The following TTC39C variants were observed in gnomAD, a reference collection of about 807,000 sequenced individuals.
TTC39C encodes tetratricopeptide repeat domain 39C.
A neutral mutation model predicts 76.3 loss-of-function variants in TTC39C; 33 were observed. The observed-to-expected ratio is 0.43, with a 90% CI of 0.33 to 0.58. TTC39C has a LOEUF of 0.58. Among genes scored for constraint, TTC39C ranks in the 20% least tolerant of loss-of-function variants. The pLI is 0.04. For missense variants in TTC39C, 595 were observed against 701.4 expected, an observed-to-expected ratio of 0.85 and a Z score of 1.71; for synonymous variants, 254 against 260.6, an observed-to-expected ratio of 0.97 and a Z score of 0.24.
At chr18:24,001,853 TCTCGCTCTGTGGCCCAG>T (rs1568400024) in intron 1 of TTC39C, among the ~76,000 whole-genome samples, 1 of 110,440 alleles carries the variant, frequency 9.1e-6, no homozygotes, top group African/African-American at 3.8e-5. Flanking sequence ...TGAGACGGAG[TCTCGCTCTGTGGCCCAG>T]GCGGGAGTGC....
At chr18:24,004,354 G>A (rs1477409937) in intron 1 of TTC39C, among the ~76,000 whole-genome samples, 1 of 152,114 alleles carries the variant, frequency 6.6e-6, no homozygotes, top group Non-Finnish European at 1.5e-5. Flanking sequence ...TACTGTTTTT[G>A]TCTCAGAGGA....
chr18:24,107,891 G>GGT (rs944941025), intron 6 of TTC39C, among the ~76,000 whole-genome samples: 67 of 145,352 alleles, frequency 4.6e-4, no homozygotes, highest in African/African-American at 1.5e-3. Flanking sequence ...CCCAAGTAGG[G>GGT]GGGGGGGTAC....
At chr18:24,092,092 CAAAAAAAAAAAAAA>C (rs74171390) in intron 6 of TTC39C, among the ~76,000 whole-genome samples, 3 of 67,594 alleles carry the variant, frequency 4.4e-5, no homozygotes, top group Admixed American at 4.6e-4. Context: ...GACTCAGTCT[CAAAAAAAAAAAAAA>C]AAAAAAAAAA....
At chr18:24,086,186 G>A (rs376782785) in intron 6 of TTC39C, among the ~76,000 whole-genome samples, 7 of 152,068 alleles carry the variant, frequency 4.6e-5, no homozygotes, top group South Asian at 2.1e-4. Flanking sequence ...TTATCAACAC[G>A]TACTCACAGA....
At chr18:24,024,829 A>C (rs902953679) in intron 1 of TTC39C, among the ~76,000 whole-genome samples, 1 of 152,220 alleles carries the variant, frequency 6.6e-6, no homozygotes, top group Non-Finnish European at 1.5e-5. Context: ...AGTAAGGTTG[A>C]AAAACAAGAT....
At chr18:24,079,163 G>A (rs1024973998) in intron 4 of TTC39C, among the ~76,000 whole-genome samples, 1 of 152,122 alleles carries the variant, frequency 6.6e-6, no homozygotes, top group African/African-American at 2.4e-5. Flanking sequence ...TAATAACATT[G>A]CCAAGTGGAT....
chr18:24,100,747 T>A (rs1207286669), intron 6 of TTC39C, among the ~76,000 whole-genome samples: 1 of 152,222 alleles, frequency 6.6e-6, no homozygotes, highest in Non-Finnish European at 1.5e-5. Context: ...TGCTTTCACG[T>A]CAGGCAGTTT....
chr18:23,998,959 TG>T (rs76927674), intron 1 of TTC39C, among the ~76,000 whole-genome samples: 27,291 of 152,142 alleles, frequency 0.18, 2,981 homozygotes, highest in East Asian at 0.55. Flanking sequence ...TTTACACAGC[TG>T]CCAGGTGAAA....
At chr18:24,095,622 C>CA (rs2084578798) in intron 6 of TTC39C, among the ~76,000 whole-genome samples, 1 of 152,252 alleles carries the variant, frequency 6.6e-6, no homozygotes, top group East Asian at 1.9e-4. Flanking sequence ...TTGATAGAAC[C>CA]TGGGAGGCAG....
At chr18:24,123,580 T>C in intron 8 of TTC39C, 1 of 297,286 alleles carries the variant, frequency 3.4e-6, no homozygotes, top group Non-Finnish European at 6.2e-6. Flanking sequence ...CTTATTTTTG[T>C]GTTTTTAGCA....
chr18:23,995,367 G>T (rs1386163594), intron 1 of TTC39C, among the ~76,000 whole-genome samples: 1 of 152,054 alleles, frequency 6.6e-6, no homozygotes, highest in East Asian at 1.9e-4. Context: ...CTACTCAGGG[G>T]GCTGAGGCAC....
chr18:24,008,348 G>A (rs980927223), intron 1 of TTC39C, among the ~76,000 whole-genome samples: 2 of 152,212 alleles, frequency 1.3e-5, no homozygotes, highest in Non-Finnish European at 2.9e-5. Flanking sequence ...TGAACCAAAA[G>A]GTATCTCCTT....
At chr18:24,075,617 G>A (rs1174141779) in intron 4 of TTC39C, among the ~76,000 whole-genome samples, 4 of 151,394 alleles carry the variant, frequency 2.6e-5, no homozygotes, top group African/African-American at 4.9e-5. Flanking sequence ...TTGGGAGGTC[G>A]GGGCTGCAGT....
At chr18:24,007,878 A>G (rs532968720) in intron 1 of TTC39C, among the ~76,000 whole-genome samples, 98 of 80,964 alleles carry the variant, frequency 1.2e-3, no homozygotes, top group African/African-American at 5.0e-3. Context: ...AAATATGTGA[A>G]CAGAAGGACA....
intron 1 of TTC39C, among the ~76,000 whole-genome samples, chr18:24,041,332 G>A (rs537172886): frequency 3.0e-4 from 45 of 152,330 alleles, no homozygotes; most frequent in Admixed American, 2.2e-3. Context: ...CACAGGAAGA[G>A]AAAGCTGGAG....
At chr18:24,038,816 G>A (rs1252653219) in intron 1 of TTC39C, among the ~76,000 whole-genome samples, 1 of 152,148 alleles carries the variant, frequency 6.6e-6, no homozygotes, top group Non-Finnish European at 1.5e-5. Context: ...TTCTGGCCAT[G>A]TTCTCACATG....
intron 1 of TTC39C, among the ~76,000 whole-genome samples, chr18:24,047,905 G>C (rs1599272114): frequency 6.6e-6 from 1 of 152,032 alleles, no homozygotes; most frequent in East Asian, 1.9e-4. Context: ...GAAACATTTT[G>C]TGTGCCCCAT....
intron 1 of TTC39C, among the ~76,000 whole-genome samples, chr18:24,049,079 A>C (rs752217880): frequency 1.3e-5 from 2 of 152,216 alleles, no homozygotes; most frequent in Non-Finnish European, 2.9e-5. Context: ...AGTACTTTTC[A>C]GCATTCTACA....
chr18:24,066,509 A>C (rs2078794013), intron 3 of TTC39C, among the ~76,000 whole-genome samples: 1 of 152,164 alleles, frequency 6.6e-6, no homozygotes, highest in African/African-American at 2.4e-5. Flanking sequence ...CTGTTTACCT[A>C]ATTTTCCCCA....
Sources: allele counts gnomAD v4.1 joint callset (sites outside exome capture counted in the v4.1 genomes callset), GRCh38; gene constraint gnomAD v4.1.1; transcripts MANE v1.5; gene names NCBI Gene and HGNC (gene_info 2026-07-23, HGNC 2026-07-21).